NAALADL2: variants seen among roughly 807,000 people sequenced by gnomAD.
The protein encoded by NAALADL2 is inactive N-acetylated-alpha-linked acidic dipeptidase-like protein 2.
NAALADL2 carries 76 observed loss-of-function variants against 87.2 expected under a neutral mutation model. The ratio of observed to expected loss-of-function variants is 0.87; its 90% confidence interval spans 0.72 to 1.05. The LOEUF is 1.05. Ranked by LOEUF, NAALADL2 falls within the 50% of genes least tolerant of loss-of-function variation. NAALADL2 has a pLI of 0.00. For missense variants in NAALADL2, 1,089 were observed against 945.8 expected, an observed-to-expected ratio of 1.15 and a Z score of -1.99; for synonymous variants, 354 against 331.0, an observed-to-expected ratio of 1.07 and a Z score of -0.75.
chr3:175,443,590 T>G (rs1037200231), intron 5 of NAALADL2, among the ~76,000 whole-genome samples: 4 of 152,166 alleles, frequency 2.6e-5, no homozygotes, highest in Admixed American at 2.0e-4. Flanking sequence ...TATAATTTAT[T>G]CTTCAATTGT....
At chr3:175,677,556 T>G (rs1355091576) in intron 11 of NAALADL2, among the ~76,000 whole-genome samples, 2 of 151,106 alleles carry the variant, frequency 1.3e-5, no homozygotes, top group Non-Finnish European at 3.0e-5. Context: ...GAAATATAGA[T>G]CTTAGAGAAC....
intron 9 of NAALADL2, among the ~76,000 whole-genome samples, chr3:175,496,797 C>T (rs529842448): frequency 9.2e-5 from 14 of 152,030 alleles, no homozygotes; most frequent in African/African-American, 2.4e-4. Context: ...TGGGCTCAAG[C>T]GATCCACCTG....
intron 10 of NAALADL2, among the ~76,000 whole-genome samples, chr3:175,585,364 A>G (rs553645007): frequency 6.6e-6 from 1 of 152,256 alleles, no homozygotes; most frequent in Admixed American, 6.5e-5. Flanking sequence ...AACACCTTTT[A>G]TCTTCTGCTA....
chr3:175,640,055 G>A (rs976975404), intron 11 of NAALADL2, among the ~76,000 whole-genome samples: 11 of 152,122 alleles, frequency 7.2e-5, no homozygotes, highest in Non-Finnish European at 1.5e-4. Flanking sequence ...ATTTAAAAAC[G>A]TGATTTGTAT....
At chr3:175,435,353 G>A (rs1718442182) in intron 5 of NAALADL2, among the ~76,000 whole-genome samples, 1 of 151,918 alleles carries the variant, frequency 6.6e-6, no homozygotes, top group Non-Finnish European at 1.5e-5. Context: ...TTTAAAGTAA[G>A]TTTGAAAATA....
chr3:175,003,272 C>T (rs2108770219), intron 1 of NAALADL2, among the ~76,000 whole-genome samples: 1 of 152,298 alleles, frequency 6.6e-6, no homozygotes, highest in South Asian at 2.1e-4. Flanking sequence ...AATCCCTGTG[C>T]TTCAAGAGAC....
intron 2 of NAALADL2, among the ~76,000 whole-genome samples, chr3:175,187,133 A>G (rs888393932): frequency 1.3e-5 from 2 of 152,164 alleles, no homozygotes; most frequent in African/African-American, 2.4e-5. Flanking sequence ...AGGGATTCCT[A>G]CATTTTACTG....
At chr3:175,193,880 T>G (rs1738581545) in intron 2 of NAALADL2, among the ~76,000 whole-genome samples, 3 of 151,736 alleles carry the variant, frequency 2.0e-5, no homozygotes, top group African/African-American at 7.3e-5. Flanking sequence ...GTGAAAACAT[T>G]AGTTGCTATT....
chr3:174,788,546 T>G (rs1206263401), intron 3 of NAALADL2, among the ~76,000 whole-genome samples: 2 of 152,090 alleles, frequency 1.3e-5, no homozygotes, highest in African/African-American at 4.8e-5. Flanking sequence ...TCTGTTTGTG[T>G]CCTAATCTCT....
rs57673935 is a variant in NAALADL2, at chr3:174,463,599, CTTT to C, written c.-184+22584_-184+22586del. 3.1e-3 allele frequency among the ~76,000 whole-genome samples: 380 copies of C among 121,488 alleles called. 4 individuals are homozygous for C. Among genetic ancestry groups the C allele is most frequent in the African/African-American group, 0.01 (327 of 32,206 alleles). The allele number at this position is 121,488 out of a possible 152,430, so 79.7% of individuals were successfully genotyped here. A position where few individuals can be genotyped will look rare whatever the true frequency, so the allele number is the denominator to read the frequency against. ...TTTAATGCTATACCCTAAAGATTAT[CTTT>C]TTTTTTTTTTTTTTTTGAGACGGAG... On this transcript the variant is annotated intron_variant, in intron 1 of 3. Coordinates refer to the NAALADL2 transcript ENST00000434257.
At chr3:175,030,944 G>A (rs897286507) in intron 1 of NAALADL2, among the ~76,000 whole-genome samples, 1 of 151,732 alleles carries the variant, frequency 6.6e-6, no homozygotes, top group African/African-American at 2.4e-5. Context: ...TAAGGTTTGT[G>A]ACAACCCTGC....
At chr3:175,608,247 C>T (rs1455582446) in intron 10 of NAALADL2, among the ~76,000 whole-genome samples, 1 of 148,110 alleles carries the variant, frequency 6.8e-6, no homozygotes, top group Non-Finnish European at 1.5e-5. Flanking sequence ...AGAATACTTT[C>T]CATTTTCAGA....
chr3:175,296,675 AC>A (rs776932977), intron 4 of NAALADL2, among the ~76,000 whole-genome samples: 96 of 152,136 alleles, frequency 6.3e-4, no homozygotes, highest in Middle Eastern at 3.4e-3. Flanking sequence ...CCATATCCAA[AC>A]CTTAATGTTT....
intron 2 of NAALADL2, among the ~76,000 whole-genome samples, chr3:174,588,400 C>A (rs547735924): frequency 1.3e-5 from 2 of 152,290 alleles, no homozygotes; most frequent in South Asian, 4.2e-4. Flanking sequence ...TTCCATCCAG[C>A]TTTGTTCCGT....
chr3:175,443,518 T>G (rs2193839), intron 5 of NAALADL2, among the ~76,000 whole-genome samples: 6,313 of 152,312 alleles, frequency 0.041, 172 homozygotes, highest in East Asian at 0.086. Context: ...ATTTAATATG[T>G]CTGCTGGGGG....
intron 2 of NAALADL2, among the ~76,000 whole-genome samples, chr3:174,636,602 A>C (rs958645916): frequency 1.3e-5 from 2 of 152,174 alleles, no homozygotes; most frequent in Admixed American, 1.3e-4. Context: ...AACCACAATG[A>C]GATATCATCT....
intron 9 of NAALADL2, among the ~76,000 whole-genome samples, chr3:175,550,848 C>T (rs1179640975): frequency 2.6e-5 from 4 of 152,180 alleles, no homozygotes; most frequent in East Asian, 1.9e-4. Flanking sequence ...GGAAAACTCA[C>T]ATATGCCTAA....
intron 4 of NAALADL2, among the ~76,000 whole-genome samples, chr3:175,316,891 T>G (rs530270106): frequency 2.6e-5 from 4 of 152,246 alleles, no homozygotes; most frequent in African/African-American, 9.6e-5. Context: ...TTTCTGAAAT[T>G]AAGTGTCTTT....
At chr3:174,625,475 AT>A (rs148873660) in intron 2 of NAALADL2, among the ~76,000 whole-genome samples, 23,636 of 151,744 alleles carry the variant, frequency 0.16, 2,151 homozygotes, top group African/African-American at 0.24. Flanking sequence ...AAAATTTGGC[AT>A]TTTTTTCTTT....
Sources: gnomAD v4.1 joint callset for allele counts (sites outside exome capture counted in the v4.1 genomes callset) on GRCh38, gnomAD v4.1.1 for gene constraint, MANE v1.5 for transcripts, NCBI Gene and HGNC (gene_info 2026-07-23, HGNC 2026-07-21) for gene names.